The following IL1RAPL1 variants were observed in gnomAD, a reference collection of about 807,000 sequenced individuals.
IL1RAPL1 encodes the protein interleukin 1 receptor accessory protein like 1.
In IL1RAPL1, 3 loss-of-function variants were observed where a neutral mutation model predicts 48.4. The observed-to-expected ratio is 0.06, with a 90% CI of 0.03 to 0.16. The LOEUF (loss-of-function observed/expected upper bound fraction) is 0.16, where lower values mean the gene tolerates loss of function less well. Ranked by LOEUF, IL1RAPL1 falls within the 10% of genes least tolerant of loss-of-function variation. The pLI, the probability that IL1RAPL1 is intolerant of heterozygous loss-of-function variation, is 1.00. For missense variants in IL1RAPL1, 349 were observed against 530.6 expected, an observed-to-expected ratio of 0.66 and a Z score of 3.36; for synonymous variants, 185 against 187.7, an observed-to-expected ratio of 0.99 and a Z score of 0.12.
At chrX:29,794,561 C>T (rs1432433759) in intron 6 of IL1RAPL1, among the ~76,000 whole-genome samples, 3 of 109,122 alleles carry the variant, frequency 2.7e-5, no homozygotes, top group Non-Finnish European at 3.8e-5. Context: ...AACATTTAGT[C>T]GCAAATAGGG....
chrX:28,739,266 A>G (rs988440627), intron 1 of IL1RAPL1, among the ~76,000 whole-genome samples: 11 of 111,146 alleles, frequency 9.9e-5, no homozygotes, highest in African/African-American at 3.6e-4. Context: ...CGGAGTCTAT[A>G]TTTTCCATCA....
intron 2 of IL1RAPL1, among the ~76,000 whole-genome samples, chrX:29,009,511 A>C (rs769709957): frequency 8.9e-6 from 1 of 111,943 alleles, no homozygotes; most frequent in African/African-American, 3.3e-5. Context: ...CATTGGTTGA[A>C]TGGGGGTCCT....
intron 2 of IL1RAPL1, among the ~76,000 whole-genome samples, chrX:29,255,015 G>C (rs951930127): frequency 9.1e-6 from 1 of 110,346 alleles, no homozygotes; most frequent in Non-Finnish European, 1.9e-5. Context: ...AATATGCTCT[G>C]AAATCGTGTC....
intron 2 of IL1RAPL1, among the ~76,000 whole-genome samples, chrX:29,201,794 C>G (rs988867504): frequency 2.7e-5 from 3 of 110,209 alleles, no homozygotes; most frequent in African/African-American, 9.9e-5. Flanking sequence ...CAGGTTCAAG[C>G]GATTCTCCTG....
At chrX:29,785,788 A>C (rs1489627905) in intron 6 of IL1RAPL1, among the ~76,000 whole-genome samples, 2 of 111,768 alleles carry the variant, frequency 1.8e-5, no homozygotes, top group Non-Finnish European at 3.8e-5. Flanking sequence ...CTCTTGAACA[A>C]AAAGGCCAGA....
chrX:28,792,710 C>G (rs2147266788), intron 2 of IL1RAPL1, among the ~76,000 whole-genome samples: 1 of 89,736 alleles, frequency 1.1e-5, no homozygotes, highest in African/African-American at 4.3e-5. Context: ...ATGGCGTGAA[C>G]CCGGGAGGTG....
chrX:29,171,628 T>C (rs1191324227), intron 2 of IL1RAPL1, among the ~76,000 whole-genome samples: 1 of 112,239 alleles, frequency 8.9e-6, no homozygotes, highest in Admixed American at 9.5e-5. Flanking sequence ...AGATTATAGC[T>C]ATAGAATTAT....
At chrX:29,470,695 A>G (rs1404923392) in intron 5 of IL1RAPL1, among the ~76,000 whole-genome samples, 3 of 111,593 alleles carry the variant, frequency 2.7e-5, no homozygotes, top group Admixed American at 9.5e-5. Flanking sequence ...GTGCACTGGC[A>G]TGATCATAGC....
chrX:28,810,532 T>C (rs1410278339), intron 2 of IL1RAPL1, among the ~76,000 whole-genome samples: 1 of 110,783 alleles, frequency 9.0e-6, no homozygotes, highest in African/African-American at 3.3e-5. Context: ...CAGAAAAGCA[T>C]AGAATGGTGG....
At chrX:29,794,995 A>G (rs1929711651) in intron 6 of IL1RAPL1, among the ~76,000 whole-genome samples, 1 of 112,192 alleles carries the variant, frequency 8.9e-6, no homozygotes, top group African/African-American at 3.2e-5. Context: ...ATTAGGGAAC[A>G]TAAAATTCTA....
At chrX:28,650,488 C>T (rs1448437080) in intron 1 of IL1RAPL1, among the ~76,000 whole-genome samples, 1 of 111,549 alleles carries the variant, frequency 9.0e-6, no homozygotes, top group Non-Finnish European at 1.9e-5. Context: ...GAAAGACCTG[C>T]CCCCATGATT....
intron 2 of IL1RAPL1, among the ~76,000 whole-genome samples, chrX:28,803,805 A>G (rs1936699999): frequency 8.9e-6 from 1 of 112,382 alleles, no homozygotes; most frequent in African/African-American, 3.2e-5. Context: ...TTGAATTCCT[A>G]GTATATACCA....
chrX:29,731,841 G>A (rs927684865), intron 6 of IL1RAPL1, among the ~76,000 whole-genome samples: 1 of 112,034 alleles, frequency 8.9e-6, no homozygotes, highest in Non-Finnish European at 1.9e-5. Context: ...GGCTGAGGAA[G>A]GAGCCTGAGC....
intron 2 of IL1RAPL1, among the ~76,000 whole-genome samples, chrX:29,116,174 A>G (rs1340630610): frequency 9.0e-6 from 1 of 111,456 alleles, no homozygotes; most frequent in African/African-American, 3.2e-5. Context: ...CACTCTTTGT[A>G]TACCATTTCC....
At chrX:29,223,993 A>G (rs752474844) in intron 2 of IL1RAPL1, among the ~76,000 whole-genome samples, 32 of 111,676 alleles carry the variant, frequency 2.9e-4, no homozygotes, top group African/African-American at 8.8e-4. Context: ...CGCACACACA[A>G]TGTTAAGATC....
chrX:28,984,648 A>G (rs1431969864), intron 2 of IL1RAPL1, among the ~76,000 whole-genome samples: 4 of 110,410 alleles, frequency 3.6e-5, no homozygotes, highest in Admixed American at 2.9e-4. Flanking sequence ...TCTCATCCTC[A>G]TCTCTTCTCT....
intron 2 of IL1RAPL1, among the ~76,000 whole-genome samples, chrX:29,196,594 A>T (rs1930448654): frequency 9.0e-6 from 1 of 110,931 alleles, no homozygotes; most frequent in South Asian, 3.8e-4. Context: ...CCTCTTGTTA[A>T]CCCATCATTA....
intron 2 of IL1RAPL1, among the ~76,000 whole-genome samples, chrX:28,892,195 G>C (rs1474555797): frequency 9.1e-6 from 1 of 110,453 alleles, no homozygotes; most frequent in Non-Finnish European, 1.9e-5. Context: ...CCTGGGTGCA[G>C]GCAGGCCGAG....
intron 8 of IL1RAPL1, among the ~76,000 whole-genome samples, chrX:29,934,542 A>G (rs779450533): frequency 2.7e-5 from 3 of 112,551 alleles, no homozygotes; most frequent in Non-Finnish European, 5.6e-5. Flanking sequence ...TTTGGAATAC[A>G]AAAACTGCAG....
Sources: allele counts gnomAD v4.1 joint callset (sites outside exome capture counted in the v4.1 genomes callset), GRCh38; gene constraint gnomAD v4.1.1; transcripts MANE v1.5; gene names NCBI Gene and HGNC (gene_info 2026-07-23, HGNC 2026-07-21).